The following ANLN variants were observed in gnomAD, a reference collection of about 807,000 sequenced individuals.
ANLN encodes anillin, actin binding protein, also known as anillin.
A neutral mutation model predicts 135.1 loss-of-function variants in ANLN; 59 were observed. The observed-to-expected ratio is 0.44, with a 90% confidence interval of 0.35 to 0.54. The LOEUF is 0.54. Ranked by LOEUF, ANLN falls within the 20% of genes least tolerant of loss-of-function variation. The pLI, the probability that ANLN is intolerant of heterozygous loss-of-function variation, is 0.00. For synonymous variants in ANLN, 406 were observed against 456.4 expected (o/e 0.89, Z 1.41); for missense variants, 1,182 against 1,340.0 (o/e 0.88, Z 1.84).
chr7:36,452,158 GC>G (rs1210773012), intron 23 of ANLN, among the ~76,000 whole-genome samples: 1 of 152,142 alleles, frequency 6.6e-6, no homozygotes, highest in African/African-American at 2.4e-5. Flanking sequence ...CAGAGAAGTT[GC>G]CCACACTCAG....
chr7:36,395,717 A>T (rs1212590718), intron 1 of ANLN, among the ~76,000 whole-genome samples: 2 of 151,754 alleles, frequency 1.3e-5, no homozygotes, highest in African/African-American at 2.4e-5. Flanking sequence ...TGCAGTGGTC[A>T]TGCAGGAATC....
At chr7:36,452,361 G>C in intron 23 of ANLN, 116 bp from the exon 24 acceptor site, 1 of 1,353,044 alleles carries the variant, frequency 7.4e-7, no homozygotes, top group South Asian at 1.3e-5. Context: ...ATAAAAGGTG[G>C]TTAAAGGTAA....
chr7:36,414,003 A>AG (rs899561662), intron 7 of ANLN, among the ~76,000 whole-genome samples: 7 of 152,302 alleles, frequency 4.6e-5, no homozygotes, highest in Admixed American at 2.6e-4. Flanking sequence ...CAAAAAAAAA[A>AG]AAGGAAATAA....
At chr7:36,427,376 T>C (rs1206052821) in intron 20 of ANLN, among the ~76,000 whole-genome samples, 1 of 150,310 alleles carries the variant, frequency 6.7e-6, no homozygotes, top group Non-Finnish European at 1.5e-5. Flanking sequence ...TTTTTGTTTT[T>C]TTGTTTTTTT....
intron 2 of ANLN, among the ~76,000 whole-genome samples, chr7:36,397,716 C>G (rs1000913374): frequency 6.6e-6 from 1 of 152,066 alleles, no homozygotes; most frequent in Non-Finnish European, 1.5e-5. Flanking sequence ...AGTTGGAGAC[C>G]ACCTTGGGCA....
intron 20 of ANLN, among the ~76,000 whole-genome samples, chr7:36,435,345 A>AT (rs1387144156): frequency 6.7e-6 from 1 of 149,102 alleles, no homozygotes; most frequent in Non-Finnish European, 1.5e-5. Flanking sequence ...TATTGTTTTT[A>AT]TTTTTTATTT....
intron 22 of ANLN, 64 bp from the exon 23 acceptor site, chr7:36,449,601 G>C: frequency 7.8e-7 from 1 of 1,278,774 alleles, no homozygotes; most frequent in Non-Finnish European, 1.1e-6. Context: ...CTTAAATGCT[G>C]CTTAATGCTT....
Position 36,410,601 on chromosome 7 carries a change from A to C in ANLN, c.1184A>C (p.His395Pro). ...GAAAGTCCAGCTCGTAGCACACCCC[A>C]CAGAACCCCCATTATTACTCCAAAT... is the stretch of plus-strand genomic sequence containing the variant. Reference protein sequence around the residue: ...SKESPARSTPHRTPIITPNTK... With the variant: ...SKESPARSTPPRTPIITPNTK... The change falls in exon 6 of 24, where the codon CAC becomes CCC. Residue 395 changes from histidine to proline, a missense_variant. His to Pro is a moderately conservative substitution (Grantham distance 77, BLOSUM62 -2). Transcript: ENST00000265748. The C allele has an allele frequency of 9.9e-6, 16 of 1,614,162 alleles. No individual in the cohort carries two copies. The highest frequency in any genetic ancestry group is 1.4e-5 in the Non-Finnish European group (16 of 1,180,022).
intron 12 of ANLN, among the ~76,000 whole-genome samples, chr7:36,421,370 TA>T: frequency 6.6e-6 from 1 of 151,372 alleles, no homozygotes; most frequent in African/African-American, 2.4e-5. Flanking sequence ...GCCTGGCTTT[TA>T]AAAAAAATAT....
chr7:36,403,194 T>A (rs1229557041), intron 3 of ANLN, among the ~76,000 whole-genome samples: 5 of 151,996 alleles, frequency 3.3e-5, no homozygotes, highest in African/African-American at 9.7e-5. Context: ...GAAGCTGGAT[T>A]TGAGAGATAC....
chr7:36,451,432 A>G (rs866974883), intron 23 of ANLN, among the ~76,000 whole-genome samples: 4 of 152,342 alleles, frequency 2.6e-5, no homozygotes, highest in Middle Eastern at 6.8e-3. Context: ...ATCAAATGTA[A>G]CCATGGCAGG....
intron 22 of ANLN, among the ~76,000 whole-genome samples, chr7:36,446,500 A>C (rs1408260437): frequency 6.6e-6 from 1 of 152,170 alleles, no homozygotes; most frequent in Non-Finnish European, 1.5e-5. Context: ...GGGAGGCCTC[A>C]GGGCGCTTTT....
At chr7:36,452,336 T>C (rs1034604350) in intron 23 of ANLN, 141 bp from the exon 24 acceptor site, 96 of 1,032,568 alleles carry the variant, frequency 9.3e-5, no homozygotes, top group Non-Finnish European at 1.3e-4. Context: ...ACTAAGTGGC[T>C]GTGGATTAGC....
chr7:36,400,622 C>T (rs1786905682), intron 3 of ANLN, among the ~76,000 whole-genome samples: 1 of 149,940 alleles, frequency 6.7e-6, no homozygotes, highest in Non-Finnish European at 1.5e-5. Context: ...CTTGGCCTCC[C>T]AAGTGTTAGG....
At chr7:36,447,550 G>T (rs1789061579) in intron 22 of ANLN, among the ~76,000 whole-genome samples, 1 of 148,704 alleles carries the variant, frequency 6.7e-6, no homozygotes, top group East Asian at 2.1e-4. Context: ...TTAGCCTCCC[G>T]AGTAGCTGGG....
intron 22 of ANLN, among the ~76,000 whole-genome samples, chr7:36,445,481 GA>G (rs1788958580): frequency 6.6e-6 from 1 of 152,080 alleles, no homozygotes; most frequent in Non-Finnish European, 1.5e-5. Context: ...TATGGTTTGT[GA>G]AATTTGTCTG....
intron 13 of ANLN, among the ~76,000 whole-genome samples, chr7:36,422,322 T>C (rs1439662933): frequency 3.9e-5 from 6 of 152,076 alleles, no homozygotes; most frequent in Non-Finnish European, 7.4e-5. Context: ...CCTTCCCTTA[T>C]CAATAAATAG....
intron 20 of ANLN, among the ~76,000 whole-genome samples, chr7:36,434,229 A>C (rs1481110166): frequency 6.6e-6 from 1 of 152,192 alleles, no homozygotes. Context: ...GATTTGGTTC[A>C]AGTTTTGTTT....
intron 13 of ANLN, among the ~76,000 whole-genome samples, 170 bp from the exon 14 acceptor site, chr7:36,422,463 A>T (rs1464340153): frequency 1.3e-5 from 2 of 152,186 alleles, no homozygotes; most frequent in East Asian, 3.9e-4. Context: ...GACTTGGTAA[A>T]TGAGCAACCA....
Sources: gnomAD v4.1 joint callset for allele counts (sites outside exome capture counted in the v4.1 genomes callset) on GRCh38, gnomAD v4.1.1 for gene constraint, MANE v1.5 for transcripts, NCBI Gene and HGNC (gene_info 2026-07-23, HGNC 2026-07-21) for gene names.